PLD5: variants seen among roughly 807,000 people sequenced by gnomAD.
The protein encoded by PLD5 is phospholipase D family member 5, also known as inactive phospholipase D5.
A neutral mutation model predicts 61.1 loss-of-function variants in PLD5; 36 were observed. The observed-to-expected ratio is 0.59, with a 90% CI of 0.45 to 0.78. PLD5 has a LOEUF of 0.78. Ranked by LOEUF, PLD5 falls within the 30% of genes least tolerant of loss-of-function variation. The pLI, the probability that PLD5 is intolerant of heterozygous loss-of-function variation, is 0.00. For synonymous variants in PLD5, 243 were observed against 242.8 expected, an observed-to-expected ratio of 1.00 and a Z score of -0.01; for missense variants, 515 against 644.4, an observed-to-expected ratio of 0.80 and a Z score of 2.17.
intron 2 of PLD5, among the ~76,000 whole-genome samples, chr1:242,331,139 G>A (rs1176159875): frequency 6.6e-6 from 1 of 152,028 alleles, no homozygotes; most frequent in East Asian, 1.9e-4. Flanking sequence ...ACATACACTG[G>A]CACTGTGCCA....
At chr1:242,473,209 T>G (rs1667494819) in intron 1 of PLD5, among the ~76,000 whole-genome samples, 1 of 152,190 alleles carries the variant, frequency 6.6e-6, no homozygotes, top group African/African-American at 2.4e-5. Flanking sequence ...TAAGACATAC[T>G]TCTTGTGGAT....
chr1:242,093,787 T>C (rs1159453496), intron 9 of PLD5, among the ~76,000 whole-genome samples: 1 of 151,786 alleles, frequency 6.6e-6, no homozygotes, highest in Non-Finnish European at 1.5e-5. Flanking sequence ...GAAGGAAATA[T>C]ACATGGAAAT....
intron 7 of PLD5, among the ~76,000 whole-genome samples, chr1:242,110,143 A>T (rs1272198462): frequency 2.0e-5 from 3 of 151,104 alleles, no homozygotes; most frequent in African/African-American, 7.3e-5. Context: ...TGCAATGATC[A>T]TGACACTGGC....
At chr1:242,116,560 C>T (rs954172657) in intron 6 of PLD5, among the ~76,000 whole-genome samples, 1 of 152,070 alleles carries the variant, frequency 6.6e-6, no homozygotes, top group Non-Finnish European at 1.5e-5. Context: ...ACCCATGTCC[C>T]CTTCCTTCCC....
At chr1:242,329,587 A>C (rs951285596) in intron 2 of PLD5, among the ~76,000 whole-genome samples, 2 of 152,218 alleles carry the variant, frequency 1.3e-5, no homozygotes, top group African/African-American at 2.4e-5. Flanking sequence ...CAGTCATCTG[A>C]ATTAAAACTT....
intron 5 of PLD5, among the ~76,000 whole-genome samples, chr1:242,162,209 A>C (rs1264803929): frequency 3.3e-5 from 5 of 152,204 alleles, no homozygotes; most frequent in African/African-American, 1.2e-4. Flanking sequence ...AGAACGAAAG[A>C]ACCAGGAACA....
At chr1:242,483,800 T>A (rs964736227) in intron 1 of PLD5, among the ~76,000 whole-genome samples, 3 of 152,134 alleles carry the variant, frequency 2.0e-5, no homozygotes, top group African/African-American at 7.2e-5. Flanking sequence ...ATTGACCACA[T>A]AGGTGGAAGT....
At chr1:242,473,411 G>A (rs1045662071) in intron 1 of PLD5, among the ~76,000 whole-genome samples, 2 of 152,286 alleles carry the variant, frequency 1.3e-5, no homozygotes, top group Non-Finnish European at 2.9e-5. Flanking sequence ...CAGGGCCAGC[G>A]TGAAGATTAA....
rs569977912 is a variant in PLD5 at position 242,216,628 on chromosome 1, G to A, written c.735+3360C>T. Among the ~76,000 whole-genome samples, 24 of 152,250 alleles carry A rather than the reference G, an allele frequency of 1.6e-4. No individual in the cohort carries two copies. The South Asian group carries it at 3.3e-3, about 21-fold the overall frequency. ...TCTATACTGAATAAATGCAAGCTTC[G>A]CTGACTGTTCAGGGCCACGACTCTT... On this transcript the variant is annotated intron_variant, in intron 5 of 9. Coordinates refer to ENST00000536534, the MANE Select transcript of PLD5 (RefSeq NM_001372062.1).
chr1:242,359,062 GT>G (rs1660920658), intron 1 of PLD5, among the ~76,000 whole-genome samples: 1 of 152,158 alleles, frequency 6.6e-6, no homozygotes, highest in Non-Finnish European at 1.5e-5. Flanking sequence ...GACTTTGCAG[GT>G]GACCTATGCT....
chr1:242,192,998 G>A (rs1558326501), intron 5 of PLD5, among the ~76,000 whole-genome samples: 1 of 152,082 alleles, frequency 6.6e-6, no homozygotes, highest in African/African-American at 2.4e-5. Flanking sequence ...GCCTTGTCAT[G>A]TTTAGGTCCC....
At chr1:242,265,844 T>C (rs1006131602) in intron 3 of PLD5, among the ~76,000 whole-genome samples, 7 of 152,236 alleles carry the variant, frequency 4.6e-5, no homozygotes, top group African/African-American at 1.4e-4. Context: ...TGTTTCTTAA[T>C]CTCACTAATC....
intron 5 of PLD5, among the ~76,000 whole-genome samples, chr1:242,171,737 G>GC (rs1216686827): frequency 6.6e-6 from 1 of 150,510 alleles, no homozygotes; most frequent in Non-Finnish European, 1.5e-5. Flanking sequence ...AAGAGCAGGA[G>GC]TTGCAATCCT....
At chr1:242,357,489 CTTTT>C (rs1274414654) in intron 1 of PLD5, among the ~76,000 whole-genome samples, 1 of 139,544 alleles carries the variant, frequency 7.2e-6, no homozygotes, top group South Asian at 2.3e-4. Flanking sequence ...GACATTTTTT[CTTTT>C]TTTTTTTTTG....
intron 6 of PLD5, among the ~76,000 whole-genome samples, chr1:242,122,953 A>G (rs1301845377): frequency 6.6e-6 from 1 of 152,228 alleles, no homozygotes; most frequent in Non-Finnish European, 1.5e-5. Flanking sequence ...AAATAGCAAT[A>G]TTAAATTGGG....
At chr1:242,488,508 T>G (rs1334291346) in intron 1 of PLD5, among the ~76,000 whole-genome samples, 2 of 152,100 alleles carry the variant, frequency 1.3e-5, no homozygotes, top group African/African-American at 4.8e-5. Flanking sequence ...AAATACTAAG[T>G]GATTCCAATG....
At chr1:242,148,860 A>T (rs1393473677) in intron 5 of PLD5, among the ~76,000 whole-genome samples, 1 of 151,936 alleles carries the variant, frequency 6.6e-6, no homozygotes, top group Non-Finnish European at 1.5e-5. Flanking sequence ...TAATTTTTGT[A>T]TACTGATCTT....
At chr1:242,293,414 G>A (rs3001683) in intron 2 of PLD5, among the ~76,000 whole-genome samples, 1 of 152,140 alleles carries the variant, frequency 6.6e-6, no homozygotes, top group African/African-American at 2.4e-5. Context: ...ATTTTGGAGC[G>A]AGAGACCACG....
intron 5 of PLD5, among the ~76,000 whole-genome samples, chr1:242,172,834 G>A (rs896517013): frequency 6.6e-6 from 1 of 152,028 alleles, no homozygotes; most frequent in East Asian, 1.9e-4. Context: ...CCAGGAAGAA[G>A]TCAAATCCCT....
Sources: gnomAD v4.1 joint callset for allele counts (sites outside exome capture counted in the v4.1 genomes callset) on GRCh38, gnomAD v4.1.1 for gene constraint, MANE v1.5 for transcripts, NCBI Gene and HGNC (gene_info 2026-07-23, HGNC 2026-07-21) for gene names.